Variants in ARID5B observed in about 807,000 individuals in gnomAD.
The protein encoded by ARID5B is AT-rich interactive domain-containing protein 5B.
ARID5B carries 13 observed loss-of-function variants against 97.2 expected under a neutral mutation model. The ratio of observed to expected loss-of-function variants is 0.13; its 90% CI spans 0.09 to 0.21. The LOEUF is 0.21. Among genes scored for constraint, ARID5B ranks in the 10% least tolerant of loss-of-function variants. ARID5B has a pLI of 1.00. For missense variants in ARID5B, 1,210 were observed against 1,465.3 expected (o/e 0.83, Z 2.84); for synonymous variants, 556 against 570.3 (o/e 0.97, Z 0.36).
intron 4 of ARID5B, among the ~76,000 whole-genome samples, chr10:62,044,308 A>G (rs1839677087): frequency 2.6e-5 from 4 of 151,562 alleles, no homozygotes; most frequent in Admixed American, 2.6e-4. Flanking sequence ...TCTTGATGAC[A>G]TTTGAACATG....
In ARID5B at chr10:61,940,391, A is replaced by G; in HGVS notation, c.485A>G (p.Lys162Arg). ...NSGLNFKDVL[K>R]EKADLGEDEE... is the part of the protein sequence containing the mutation. The stretch of plus-strand genomic sequence containing the variant: ...GGACTCAACTTCAAAGACGTTCTCA[A>G]GGAGAAGGCAGACCTGGGTAAATAT... Residue 162 changes from lysine (K) to arginine (R), a missense_variant, in exon 3 of 10, where the codon AAG becomes AGG. Around this residue, in one of 8 missense-constraint regions of ARID5B, gnomAD observed 82 missense variants for 79.3 expected, o/e 1.03. Transcript: ENST00000279873. 6.2e-7 allele frequency: 1 copy of G among 1,613,546 alleles called. No homozygotes were observed. The highest frequency in any genetic ancestry group is 1.1e-5 in the South Asian group (1 of 90,976).
chr10:61,952,502 A>T (rs1019882767), intron 3 of ARID5B, among the ~76,000 whole-genome samples: 1 of 152,252 alleles, frequency 6.6e-6, no homozygotes, highest in Admixed American at 6.5e-5. Flanking sequence ...GCACTCAGAC[A>T]TCAAAGCTAT....
At chr10:61,953,283 T>C (rs1838348340) in intron 3 of ARID5B, among the ~76,000 whole-genome samples, 1 of 152,176 alleles carries the variant, frequency 6.6e-6, no homozygotes, top group African/African-American at 2.4e-5. Context: ...TAAAACATTG[T>C]TTTCATAGCA....
chr10:62,040,941 C>T (rs1321370461), intron 4 of ARID5B, among the ~76,000 whole-genome samples: 1 of 152,096 alleles, frequency 6.6e-6, no homozygotes, highest in African/African-American at 2.4e-5. Context: ...AAGCTGTAAC[C>T]TCTTCTGGGT....
intron 4 of ARID5B, among the ~76,000 whole-genome samples, chr10:62,009,153 G>A (rs1027474050): frequency 7.9e-5 from 12 of 152,188 alleles, no homozygotes; most frequent in Non-Finnish European, 1.3e-4. Flanking sequence ...GCTGGCTGGC[G>A]TGGGCCTTGA....
chr10:61,968,939 C>A (rs866500418), intron 3 of ARID5B, among the ~76,000 whole-genome samples: 10 of 152,276 alleles, frequency 6.6e-5, no homozygotes, highest in Admixed American at 3.3e-4. Context: ...TAATAAATTG[C>A]TTTCACATTT....
At chr10:61,965,935 ATCACTT>A (rs1372014738) in intron 3 of ARID5B, among the ~76,000 whole-genome samples, 2 of 152,220 alleles carry the variant, frequency 1.3e-5, no homozygotes, top group Non-Finnish European at 2.9e-5. Context: ...TAATTTAGAC[ATCACTT>A]TCATTTTTCA....
intron 2 of ARID5B, among the ~76,000 whole-genome samples, chr10:61,912,493 G>T (rs1843822509): frequency 6.6e-6 from 1 of 151,910 alleles, no homozygotes; most frequent in South Asian, 2.1e-4. Context: ...TAATCTTCAT[G>T]ATATATATGT....
chr10:62,053,363 G>C (rs1014896322), intron 5 of ARID5B, among the ~76,000 whole-genome samples: 1 of 152,202 alleles, frequency 6.6e-6, no homozygotes, highest in African/African-American at 2.4e-5. Context: ...GGAAAAATAA[G>C]TCAAGTGATT....
rs376372395 is a variant in ARID5B, at chr10:62,033,489, T to A, written c.734-17399T>A. ...TCAGCATAGACAACAGTTCAGGCTC[T>A]AAGGAAGTATACCAGATGCCTTTTG... On this transcript the variant is annotated intron_variant, in intron 4 of 9. Transcript: ENST00000279873. Among the ~76,000 whole-genome samples the A allele has an allele frequency of 5.3e-5, 8 of 152,360 alleles. No individual in the cohort carries two copies. The South Asian group carries it at 8.3e-4, about 16-fold the overall frequency.
intron 4 of ARID5B, chr10:62,049,375 A>G (rs1026280981): frequency 2.5e-5 from 38 of 1,547,592 alleles, no homozygotes; most frequent in Non-Finnish European, 3.1e-5. Context: ...AGGGAAGCTG[A>G]CATCCACACC....
rs372563105 is a variant in ARID5B at position 61,940,209 on chromosome 10, G to A, written c.303G>A (p.Lys101=). The A allele has an allele frequency of 3.3e-5, 54 of 1,614,042 alleles. No individual in the cohort carries two copies. Among genetic ancestry groups the A allele is most frequent in the Non-Finnish European group, 4.2e-5 (50 of 1,180,000 alleles). Residue 101 remains lysine (K), a synonymous_variant, in exon 3 of 10, where the codon AAG becomes AAA. Transcript: ENST00000279873. The part of the protein sequence containing the change: ...GEDEVIAVSE[K]VIVKLEDLVK... ...ATGAAGTCATTGCTGTTTCCGAAAAGGTGATTGTGAAGCTTGAAGACCTGG... is the reference window on the plus strand; with the variant it reads ...ATGAAGTCATTGCTGTTTCCGAAAAAGTGATTGTGAAGCTTGAAGACCTGG...
intron 5 of ARID5B, 83 bp downstream of exon 5, chr10:62,051,083 T>C (rs781124580): frequency 2.5e-5 from 28 of 1,138,918 alleles, no homozygotes; most frequent in Middle Eastern, 1.9e-4. Context: ...TGCCTGTGTC[T>C]TGGAGGCAGT....
intron 8 of ARID5B, among the ~76,000 whole-genome samples, chr10:62,071,567 A>AAGAG (rs3050506): frequency 0.7 from 102,679 of 146,646 alleles, 36,984 homozygotes; most frequent in African/African-American, 0.85. Flanking sequence ...AAAAAAAAAA[A>AAGAG]AGAGAGAAGG....
chr10:62,063,336 C>T (rs190333195), intron 7 of ARID5B, among the ~76,000 whole-genome samples: 241 of 152,182 alleles, frequency 1.6e-3, no homozygotes, highest in Middle Eastern at 6.8e-3. Flanking sequence ...ATTGCTTCTG[C>T]GGTTAACTTG....
chr10:61,978,767 C>T (rs1442297064), intron 3 of ARID5B, among the ~76,000 whole-genome samples: 2 of 152,156 alleles, frequency 1.3e-5, no homozygotes, highest in African/African-American at 2.4e-5. Context: ...TGGGCTGAGA[C>T]GATGGGGTTT....
At chr10:61,994,689 T>C (rs1484633758) in intron 3 of ARID5B, among the ~76,000 whole-genome samples, 1 of 151,984 alleles carries the variant, frequency 6.6e-6, no homozygotes, top group Admixed American at 6.6e-5. Flanking sequence ...TTGGGTGGAG[T>C]CTCATGTTAT....
At chr10:61,926,725 C>T (rs1643963099) in intron 2 of ARID5B, among the ~76,000 whole-genome samples, 1 of 152,178 alleles carries the variant, frequency 6.6e-6, no homozygotes, top group Non-Finnish European at 1.5e-5. Flanking sequence ...TCTCCTGCCT[C>T]AGCCTCCCAA....
chr10:61,951,904 T>C (rs1838328965), intron 3 of ARID5B, among the ~76,000 whole-genome samples: 1 of 152,218 alleles, frequency 6.6e-6, no homozygotes, highest in Non-Finnish European at 1.5e-5. Context: ...TGGGTTTTTT[T>C]TTCAGCTGCT....
Sources: allele counts gnomAD v4.1 joint callset (sites outside exome capture counted in the v4.1 genomes callset), GRCh38; gene constraint gnomAD v4.1.1; regional missense constraint gnomAD v4.1.1; transcripts MANE v1.5; gene names NCBI Gene and HGNC (gene_info 2026-07-23, HGNC 2026-07-21).